Variants in IGF1R observed in about 807,000 individuals in gnomAD.
IGF1R encodes insulin like growth factor 1 receptor.
Under a neutral mutation model 144.6 loss-of-function variants are expected in IGF1R, and 44 were observed. The ratio of observed to expected loss-of-function variants is 0.30; its 90% CI spans 0.24 to 0.39. IGF1R has a LOEUF of 0.39. Among genes scored for constraint, IGF1R ranks in the 10% least tolerant of loss-of-function variants. IGF1R has a pLI of 1.00. For missense variants in IGF1R, 1,355 were observed against 1,833.7 expected (o/e 0.74, Z 4.77); for synonymous variants, 795 against 722.8 (o/e 1.10, Z -1.60).
chr15:98,894,139 A>G (rs575565113), intron 3 of IGF1R, among the ~76,000 whole-genome samples: 6 of 152,166 alleles, frequency 3.9e-5, no homozygotes, highest in South Asian at 4.1e-4. Flanking sequence ...CAGTGGCACA[A>G]TCATAGCTCA....
rs1195598889 is a variant in IGF1R at position 98,891,280 on chromosome 15, C to T, written c.641-45C>T. 2.5e-6 allele frequency: 4 copies of T among 1,580,380 alleles called. No homozygotes were observed. The highest frequency in any genetic ancestry group is 2.6e-6 in the Non-Finnish European group (3 of 1,164,106). On this transcript the variant is annotated intron_variant, in intron 2 of 20. Coordinates refer to ENST00000650285, the MANE Select transcript of IGF1R (RefSeq NM_000875.5). This position sits in a 1 kb window ranked among gnomAD's most constrained non-coding sequence, Gnocchi z 4.7. ...CTGGCCAGGCCCAGAGAAGGCGGTG[C>T]CTCCCCTGCCCGGTCTCATCTCCGT...
chr15:98,916,390 T>A, intron 9 of IGF1R: 2 of 554,052 alleles, frequency 3.6e-6, no homozygotes, highest in Non-Finnish European at 6.4e-6. Flanking sequence ...GCATTCCGAG[T>A]AGCTGGGATT....
intron 2 of IGF1R, among the ~76,000 whole-genome samples, chr15:98,836,127 C>G (rs2057095430): frequency 6.6e-6 from 1 of 151,968 alleles, no homozygotes; most frequent in Non-Finnish European, 1.5e-5. Flanking sequence ...AGAGCCCAAA[C>G]CAGCAACTTT....
intron 15 of IGF1R, among the ~76,000 whole-genome samples, chr15:98,934,326 C>G (rs899864734): frequency 3.3e-5 from 5 of 152,118 alleles, no homozygotes; most frequent in African/African-American, 1.2e-4. Context: ...TCATATGTGA[C>G]TCTGGCCTTT....
At chr15:98,811,197 A>C (rs964704167) in intron 2 of IGF1R, among the ~76,000 whole-genome samples, 11 of 152,008 alleles carry the variant, frequency 7.2e-5, no homozygotes, top group Non-Finnish European at 1.0e-4. Context: ...GCTACTCGAG[A>C]GGCTGAGGCA....
chr15:98,878,490 AGT>A (rs888001605), intron 2 of IGF1R, among the ~76,000 whole-genome samples: 30 of 152,172 alleles, frequency 2.0e-4, no homozygotes, highest in Non-Finnish European at 3.5e-4. Flanking sequence ...GTAACTTTTA[AGT>A]GTGTGAAAAG....
intron 2 of IGF1R, among the ~76,000 whole-genome samples, chr15:98,830,603 A>ACCTTTTTTTTT (rs949484748): frequency 1.1e-4 from 15 of 133,720 alleles, no homozygotes; most frequent in African/African-American, 3.9e-4. Flanking sequence ...TCTGATCATC[A>ACCTTTTTTTTT]TCTTTTTTTT....
intron 1 of IGF1R, among the ~76,000 whole-genome samples, chr15:98,664,431 G>A (rs966312262): frequency 1.2e-4 from 18 of 152,114 alleles, no homozygotes; most frequent in African/African-American, 3.9e-4. Flanking sequence ...TTGGGAGGCC[G>A]AGGTGAGCGG....
rs540853348 is a variant in IGF1R at position 98,685,472 on chromosome 15, C to T, written c.95-22090C>T. ...GAGGTTAATAATAATCTAGGGCACCCGCTTCCCAGTGGGTTTCCATCAGTC... is the reference window on the plus strand; with the variant it reads ...GAGGTTAATAATAATCTAGGGCACCTGCTTCCCAGTGGGTTTCCATCAGTC... On this transcript the variant is annotated intron_variant, in intron 1 of 20. Transcript: ENST00000650285. 8.5e-5 allele frequency among the ~76,000 whole-genome samples: 13 copies of T among 152,236 alleles called. No homozygotes were observed. In the South Asian group the frequency reaches 2.1e-3, roughly 24 times the overall value.
intron 2 of IGF1R, among the ~76,000 whole-genome samples, chr15:98,790,198 AC>A (rs1166548008): frequency 6.6e-6 from 1 of 152,150 alleles, no homozygotes; most frequent in Non-Finnish European, 1.5e-5. Context: ...ATTTTGGGGT[AC>A]TATATGTGCC....
chr15:98,922,131 T>G lies in IGF1R; in HGVS notation c.2202-17T>G. The G allele has an allele frequency of 6.2e-7, 1 of 1,614,012 alleles. No homozygotes were observed. On this transcript the variant is annotated splice_polypyrimidine_tract_variant and intron_variant, in intron 10 of 20. Coordinates refer to ENST00000650285, the MANE Select transcript of IGF1R (RefSeq NM_000875.5). ...AGGTAAAAGTACTTAAAAGCCACAT[T>G]TCTCTCCTCCTTGCAGACCTGAAAG...
chr15:98,717,941 A>T (rs987513963), intron 2 of IGF1R, among the ~76,000 whole-genome samples: 2 of 152,054 alleles, frequency 1.3e-5, no homozygotes, highest in Non-Finnish European at 2.9e-5. Flanking sequence ...TGGTAACGCT[A>T]GGTATATGTG....
chr15:98,717,289 T>C (rs1324784466), intron 2 of IGF1R, among the ~76,000 whole-genome samples: 1 of 152,050 alleles, frequency 6.6e-6, no homozygotes, highest in Non-Finnish European at 1.5e-5. Context: ...GCATCTAACA[T>C]GTTTCCAAGC....
intron 8 of IGF1R, among the ~76,000 whole-genome samples, chr15:98,913,763 A>T (rs1434121177): frequency 1.3e-5 from 2 of 152,242 alleles, no homozygotes; most frequent in African/African-American, 4.8e-5. Context: ...TATTCAGAGT[A>T]TTCACTGATG....
Position 98,962,952 on chromosome 15 carries a change from T to C in IGF1R, c.*5510T>C. The C allele has an allele frequency of 8.6e-6, 2 of 233,750 alleles. No individual in the cohort carries two copies. The highest frequency in any genetic ancestry group is 1.7e-5 in the Non-Finnish European group (2 of 118,060). The allele number at this position is 233,750 out of a possible 1,614,324, so 14.5% of individuals were successfully genotyped here. ...AACATAACGATCACTCATTTTTATG[T>C]CCCACGTGTGTGTGTCCGCATCTTT... On this transcript the variant is annotated 3_prime_UTR_variant, in exon 21 of 21. Transcript: ENST00000650285.
chr15:98,940,046 A>G (rs565777023), intron 18 of IGF1R, among the ~76,000 whole-genome samples: 3 of 152,354 alleles, frequency 2.0e-5, no homozygotes, highest in East Asian at 3.9e-4. Flanking sequence ...TTTCTGAGCA[A>G]TGGTTAAAAC....
intron 2 of IGF1R, among the ~76,000 whole-genome samples, chr15:98,798,376 T>C (rs2056293659): frequency 6.6e-6 from 1 of 152,012 alleles, no homozygotes; most frequent in Admixed American, 6.6e-5. Context: ...CTGAGTCAGT[T>C]ATGTAGGGCC....
intron 2 of IGF1R, among the ~76,000 whole-genome samples, chr15:98,856,909 C>T (rs2011851729): frequency 6.6e-6 from 1 of 152,170 alleles, no homozygotes; most frequent in South Asian, 2.1e-4. Context: ...CTACCTGCTA[C>T]ATGTTTTAAT....
Position 98,955,005 on chromosome 15 carries a change from T to G in IGF1R, c.3723-2056T>G, listed in dbSNP as rs137927999. Among the ~76,000 whole-genome samples the G allele has an allele frequency of 2.2e-3, 342 of 152,272 alleles. 2 individuals are homozygous for G. Among genetic ancestry groups the G allele is most frequent in the African/African-American group, 8.0e-3 (332 of 41,540 alleles). On this transcript the variant is annotated intron_variant, in intron 20 of 20. Transcript: ENST00000650285. ...AGGATCGTTGGTGATCAAAGTGTAG[T>G]CATTCTGTTGCGCAGAGAACTCCAT...
Sources: allele counts gnomAD v4.1 joint callset (sites outside exome capture counted in the v4.1 genomes callset), GRCh38; gene constraint gnomAD v4.1.1; non-coding constraint Gnocchi (gnomAD v3.1); transcripts MANE v1.5; gene names NCBI Gene and HGNC (gene_info 2026-07-23, HGNC 2026-07-21).